PRKAR1B: variants seen among roughly 807,000 people sequenced by gnomAD.
PRKAR1B encodes protein kinase cAMP-dependent type I regulatory subunit beta.
In PRKAR1B, 22 loss-of-function variants were observed where a neutral mutation model predicts 46.5. The observed-to-expected ratio is 0.47, with a 90% CI of 0.34 to 0.68. The LOEUF is 0.68. Among genes scored for constraint, PRKAR1B ranks in the 30% least tolerant of loss-of-function variants. The pLI is 0.01. For missense variants in PRKAR1B, 445 were observed against 535.6 expected, an observed-to-expected ratio of 0.83 and a Z score of 1.67; for synonymous variants, 259 against 217.7, an observed-to-expected ratio of 1.19 and a Z score of -1.67.
rs540908526 is a variant in PRKAR1B, at chr7:633,772, G to A, written c.441-26320C>T. Among the ~76,000 whole-genome samples the A allele has an allele frequency of 1.7e-4, 26 of 152,154 alleles. No homozygotes were observed. In the South Asian group the frequency reaches 3.9e-3, roughly 23 times the overall value. On this transcript the variant is annotated intron_variant, in intron 4 of 10. Transcript: ENST00000537384. ...GGAGCTGCCCACCTTGGAAAAAGTC[G>A]GGGAGGGGAGCAGCGAGGACACAGC...
chr7:576,703 C>G (rs1223882612), intron 9 of PRKAR1B, among the ~76,000 whole-genome samples: 1 of 151,194 alleles, frequency 6.6e-6, no homozygotes, highest in African/African-American at 2.4e-5. Flanking sequence ...CGGCCTGGTG[C>G]CCTCTGGCCT....
Position 579,372 on chromosome 7 carries a change from G to A in PRKAR1B, c.775C>T (p.Leu259=), listed in dbSNP as rs1354085959. 3.1e-6 allele frequency: 5 copies of A among 1,613,622 alleles called. No individual in the cohort carries two copies. The highest frequency in any genetic ancestry group is 4.2e-6 in the Non-Finnish European group (5 of 1,180,050). ...FLSKVSILES[L]EKWERLTVAD... is the part of the protein sequence containing the mutation. ...ACGGTCAGACGCTCCCACTTCTCCA[G>A]GGACTCTGTCGGGGGAGGATGAGGA... The change falls in exon 9 of 11, where the codon CTG becomes TTG. Residue 259 remains leucine, a synonymous_variant. Transcript: ENST00000537384.
At chr7:618,212 C>T (rs1303152920) in intron 4 of PRKAR1B, among the ~76,000 whole-genome samples, 1 of 152,194 alleles carries the variant, frequency 6.6e-6, no homozygotes, top group African/African-American at 2.4e-5. Context: ...GCTGGGGCCA[C>T]AGGGCAGCAA....
Position 644,396 on chromosome 7 carries a change from C to G in PRKAR1B, c.440+32833G>C, listed in dbSNP as rs1433189585. Among the ~76,000 whole-genome samples the G allele has an allele frequency of 4.6e-5, 7 of 152,166 alleles. No homozygotes were observed. Among genetic ancestry groups the G allele is most frequent in the Non-Finnish European group, 1.0e-4 (7 of 68,018 alleles). ...CGCGCACATTCGGAACGGGGTTTTG[C>G]TCCTCCTTGGGTGTGCAGAGGCTGA... On this transcript the variant is annotated intron_variant, in intron 4 of 10. Coordinates refer to ENST00000537384, the MANE Select transcript of PRKAR1B (RefSeq NM_001164760.2). The surrounding 1 kb of genome is among the most constrained non-coding windows in gnomAD (Gnocchi z 4.9).
In PRKAR1B at chr7:599,753, A is replaced by G. The variant is rs9771034; in HGVS notation, c.550-3449T>C. ...TGTTTAGAAGTCAATGGTGGGACAG[A>G]GGTGCCAGGAGCTGGGGGAGGCACA... is the stretch of plus-strand genomic sequence containing the variant. On this transcript the variant is annotated intron_variant, in intron 6 of 10. Transcript: ENST00000537384. Among the ~76,000 whole-genome samples, 196 of 119,736 alleles carry G rather than the reference A, an allele frequency of 1.6e-3. No homozygotes were observed. The Middle Eastern group carries it at 0.027, about 17-fold the overall frequency. 78.6% of individuals were successfully genotyped at this position (119,736 alleles called of 152,430 possible). A position where few individuals can be genotyped will look rare whatever the true frequency, so the allele number is the denominator to read the frequency against.
At chr7:628,237 C>G (rs1386544627) in intron 4 of PRKAR1B, among the ~76,000 whole-genome samples, 1 of 152,262 alleles carries the variant, frequency 6.6e-6, no homozygotes, top group African/African-American at 2.4e-5. Context: ...GGATCTGCCT[C>G]TGCATCCCAC....
intron 4 of PRKAR1B, among the ~76,000 whole-genome samples, chr7:631,135 G>A (rs1783714376): frequency 6.6e-6 from 1 of 152,074 alleles, no homozygotes; most frequent in African/African-American, 2.4e-5. Flanking sequence ...ATTTTTAGTA[G>A]AGACAAGGTT....
intron 2 of PRKAR1B, among the ~76,000 whole-genome samples, chr7:684,289 G>C (rs1348695181): frequency 6.6e-6 from 1 of 152,230 alleles, no homozygotes; most frequent in African/African-American, 2.4e-5. Context: ...TGAGTACACG[G>C]GGATTGCCGG....
At chr7:578,682 CTTTT>C (rs67281859) in intron 9 of PRKAR1B, 65 of 142,026 alleles carry the variant, frequency 4.6e-4, no homozygotes, top group Non-Finnish European at 6.9e-4. Flanking sequence ...TTTTATTTTA[CTTTT>C]TTTTTTTTTT....
At chr7:662,184 T>C in intron 4 of PRKAR1B, among the ~76,000 whole-genome samples, 1 of 86,122 alleles carries the variant, frequency 1.2e-5, no homozygotes, top group Non-Finnish European at 2.2e-5. Flanking sequence ...TCCAAATACC[T>C]ACTCTCCCCC....
rs760744983 is a variant in PRKAR1B, at chr7:680,771, G to A, written c.178-45C>T. 17 of 1,609,696 alleles carry A rather than the reference G, an allele frequency of 1.1e-5. No individual in the cohort carries two copies. In the African/African-American group the frequency reaches 2.0e-4, roughly 19 times the overall value. On this transcript the variant is annotated intron_variant, in intron 2 of 10. Transcript: ENST00000537384. ...ACAGAAAGGAAGTAAGAACCTGGCT[G>A]TCCCGGCCAGGCACAGGGCCCATGC...
intron 2 of PRKAR1B, chr7:696,834 G>A (rs1249347346): frequency 2.0e-5 from 3 of 152,424 alleles, no homozygotes; most frequent in African/African-American, 7.2e-5. Flanking sequence ...CATACACACA[G>A]GCCGCTTCAG....
intron 1 of PRKAR1B, among the ~76,000 whole-genome samples, chr7:716,391 C>T (rs1780886029): frequency 6.6e-6 from 1 of 152,156 alleles, no homozygotes; most frequent in African/African-American, 2.4e-5. Context: ...CCACATACCT[C>T]GCACTTCTAA....
At chr7:558,337 A>G (rs1778579051) in intron 9 of PRKAR1B, among the ~76,000 whole-genome samples, 1 of 151,206 alleles carries the variant, frequency 6.6e-6, no homozygotes, top group Non-Finnish European at 1.5e-5. Flanking sequence ...GGAAAAAAAA[A>G]AAAAAAAAAA....
chr7:551,713 C>T (rs1408633650), intron 9 of PRKAR1B, among the ~76,000 whole-genome samples: 1 of 145,414 alleles, frequency 6.9e-6, no homozygotes, highest in Non-Finnish European at 1.5e-5. Context: ...CCAGGTCCTT[C>T]TCCAGAGCCA....
At chr7:671,500 C>CTCGCTACTCAGA (rs1229021105) in intron 4 of PRKAR1B, among the ~76,000 whole-genome samples, 2 of 152,076 alleles carry the variant, frequency 1.3e-5, no homozygotes, top group Admixed American at 6.6e-5. Context: ...GCTCTGTTGC[C>CTCGCTACTCAGA]CAGGCTAGAG....
chr7:704,501 T>G (rs1780212599), intron 2 of PRKAR1B, among the ~76,000 whole-genome samples: 1 of 152,094 alleles, frequency 6.6e-6, no homozygotes, highest in Non-Finnish European at 1.5e-5. Context: ...TATGGCCGGG[T>G]GCGGTGGCTC....
intron 4 of PRKAR1B, among the ~76,000 whole-genome samples, chr7:639,041 G>A (rs1784262928): frequency 1.3e-5 from 2 of 152,118 alleles, no homozygotes; most frequent in South Asian, 2.1e-4. Flanking sequence ...TCGCGCCACT[G>A]TACTCCAGCC....
chr7:642,428 T>C (rs943888439), intron 4 of PRKAR1B, among the ~76,000 whole-genome samples: 1 of 152,128 alleles, frequency 6.6e-6, no homozygotes, highest in Non-Finnish European at 1.5e-5. Context: ...TGTAAAGCTG[T>C]TTAAGAAACA....
Sources: gnomAD v4.1 joint callset for allele counts (sites outside exome capture counted in the v4.1 genomes callset) on GRCh38, gnomAD v4.1.1 for gene constraint, Gnocchi (gnomAD v3.1) non-coding constraint, MANE v1.5 for transcripts, NCBI Gene and HGNC (gene_info 2026-07-23, HGNC 2026-07-21) for gene names.